Variants in SDK2 observed in about 807,000 individuals in gnomAD.
SDK2 encodes the protein sidekick cell adhesion molecule 2, also known as protein sidekick-2.
Under a neutral mutation model 253.9 loss-of-function variants are expected in SDK2, and 105 were observed. The ratio of observed to expected loss-of-function variants is 0.41; its 90% CI spans 0.35 to 0.49. SDK2 has a LOEUF of 0.49. SDK2 is among the 20% of genes least tolerant of loss of function. SDK2 has a pLI of 0.06. For synonymous variants in SDK2, 1,249 were observed against 1,234.9 expected (o/e 1.01, Z -0.24); for missense variants, 2,608 against 3,003.0 (o/e 0.87, Z 3.07).
At chr17:73,441,817 G>A (rs1280214220) in intron 5 of SDK2, among the ~76,000 whole-genome samples, 2 of 152,160 alleles carry the variant, frequency 1.3e-5, no homozygotes, top group African/African-American at 2.4e-5. Context: ...ATGGGTCTTT[G>A]CTGTGGACTG....
At chr17:73,543,338 T>C (rs1480481530) in intron 1 of SDK2, among the ~76,000 whole-genome samples, 1 of 152,070 alleles carries the variant, frequency 6.6e-6, no homozygotes, top group East Asian at 1.9e-4. Context: ...GTCCTTCCGA[T>C]GTCCTCAAAG....
chr17:73,446,388 G>T (rs2063453236), intron 5 of SDK2, among the ~76,000 whole-genome samples: 1 of 152,144 alleles, frequency 6.6e-6, no homozygotes, highest in Admixed American at 6.5e-5. Flanking sequence ...AGATATACTT[G>T]TGACGCCGAT....
At chr17:73,597,010 T>G (rs926002150) in intron 1 of SDK2, among the ~76,000 whole-genome samples, 4 of 152,272 alleles carry the variant, frequency 2.6e-5, no homozygotes, top group African/African-American at 9.6e-5. Context: ...TCTCCTCACT[T>G]CAGTCTGAAC....
At chr17:73,371,902 G>A (rs2062736904) in intron 36 of SDK2, among the ~76,000 whole-genome samples, 1 of 151,384 alleles carries the variant, frequency 6.6e-6, no homozygotes, top group Non-Finnish European at 1.5e-5. Flanking sequence ...GGAGGCTGCA[G>A]TGAGCTGAGA....
chr17:73,552,820 G>C (rs920046273), intron 1 of SDK2, among the ~76,000 whole-genome samples: 11 of 152,190 alleles, frequency 7.2e-5, no homozygotes, highest in African/African-American at 1.2e-4. Context: ...TGCACTTCTC[G>C]CTCTGGCTTC....
intron 12 of SDK2, among the ~76,000 whole-genome samples, 170 bp from the exon 13 acceptor site, chr17:73,424,262 A>G (rs1169140319): frequency 6.6e-6 from 1 of 152,184 alleles, no homozygotes; most frequent in African/African-American, 2.4e-5. Context: ...TTGAAGGCCA[A>G]ACAGTCTGGA....
chr17:73,412,575 G>T (rs1465393747), intron 18 of SDK2, among the ~76,000 whole-genome samples: 2 of 152,162 alleles, frequency 1.3e-5, no homozygotes, highest in East Asian at 3.8e-4. Context: ...GTTAAATGAG[G>T]TCATTAGTGT....
At chr17:73,370,275 C>T (rs1422698695) in intron 36 of SDK2, among the ~76,000 whole-genome samples, 1 of 152,148 alleles carries the variant, frequency 6.6e-6, no homozygotes, top group Non-Finnish European at 1.5e-5. Context: ...ACAGGCCTCA[C>T]TCTGTTGCCC....
At chr17:73,543,111 T>C (rs867870923) in intron 1 of SDK2, among the ~76,000 whole-genome samples, 1 of 152,208 alleles carries the variant, frequency 6.6e-6, no homozygotes, top group Non-Finnish European at 1.5e-5. Context: ...CTGTCATTTG[T>C]TCATTGCTTC....
At position 73,399,222 on chromosome 17, in the gene SDK2, G is replaced by A; in HGVS notation, c.3039C>T (p.Phe1013=). ...NIGPRSVTLQ[F]RPGYDGKTSI... is the part of the protein sequence containing the mutation. ...AGGTTTTCCCATCGTAGCCTGGCCTGAACTGCAAGGTCACAGAGCGGGGGC... is the reference window on the plus strand; with the variant it reads ...AGGTTTTCCCATCGTAGCCTGGCCTAAACTGCAAGGTCACAGAGCGGGGGC... The change falls in exon 22 of 45, where the codon TTC becomes TTT. Residue 1013 remains phenylalanine, a synonymous_variant. Coordinates refer to ENST00000392650, the MANE Select transcript of SDK2 (RefSeq NM_001144952.2). The A allele has an allele frequency of 6.2e-7, 1 of 1,613,920 alleles. No individual in the cohort carries two copies. Among genetic ancestry groups the A allele is most frequent in the Non-Finnish European group, 8.5e-7 (1 of 1,179,838 alleles).
chr17:73,489,656 G>A (rs2063792301), intron 2 of SDK2, among the ~76,000 whole-genome samples: 1 of 152,174 alleles, frequency 6.6e-6, no homozygotes, highest in South Asian at 2.1e-4. Flanking sequence ...TAACGAGCTT[G>A]GTAGGTCAAG....
chr17:73,397,054 G>T (rs1398021566), intron 24 of SDK2, among the ~76,000 whole-genome samples: 5 of 152,240 alleles, frequency 3.3e-5, no homozygotes, highest in Non-Finnish European at 5.9e-5. Flanking sequence ...GTGTTTGCAA[G>T]TTGTGTTTTG....
chr17:73,457,762 A>T (rs115436105), intron 3 of SDK2, among the ~76,000 whole-genome samples: 2,027 of 152,132 alleles, frequency 0.013, 62 homozygotes, highest in African/African-American at 0.047. Flanking sequence ...ATTGCCTAGC[A>T]GATCCCTCCC....
At chr17:73,381,602 C>T (rs538230156) in intron 33 of SDK2, among the ~76,000 whole-genome samples, 4 of 152,132 alleles carry the variant, frequency 2.6e-5, no homozygotes, top group Non-Finnish European at 5.9e-5. Flanking sequence ...GAGGCTGGGC[C>T]GGGCGCAGTG....
At chr17:73,600,390 A>G (rs939050991) in intron 1 of SDK2, among the ~76,000 whole-genome samples, 6 of 152,236 alleles carry the variant, frequency 3.9e-5, no homozygotes, top group Middle Eastern at 3.4e-3. Flanking sequence ...TTCATTAAAA[A>G]CGGGACGCCT....
At chr17:73,384,628 T>C (rs943536098) in intron 32 of SDK2, among the ~76,000 whole-genome samples, 1 of 152,232 alleles carries the variant, frequency 6.6e-6, no homozygotes, top group Non-Finnish European at 1.5e-5. Flanking sequence ...CTGACCAGCC[T>C]GGCCAACATG....
At chr17:73,462,457 C>T (rs2063570569) in intron 3 of SDK2, among the ~76,000 whole-genome samples, 1 of 151,006 alleles carries the variant, frequency 6.6e-6, no homozygotes, top group Non-Finnish European at 1.5e-5. Flanking sequence ...TATACACACA[C>T]ACATACATGT....
rs1599688162 is a variant in SDK2, at chr17:73,570,541, T to C, written c.65-62944A>G. Reference sequence around the variant, plus strand: ...GTGATGATGGCGGTGATGGTGATGGTGAGGCTGATGGTGGTGATGTTGCCA... The same window carrying C: ...GTGATGATGGCGGTGATGGTGATGGCGAGGCTGATGGTGGTGATGTTGCCA... On this transcript the variant is annotated intron_variant, in intron 1 of 44. Transcript: ENST00000392650. The surrounding 1 kb of genome is among the most constrained non-coding windows in gnomAD (Gnocchi z 4.2). 6.6e-6 allele frequency among the ~76,000 whole-genome samples: 1 copy of C among 152,180 alleles called. No homozygotes were observed. The highest frequency in any genetic ancestry group is 2.1e-4 in the South Asian group (1 of 4,820).
chr17:73,386,196 G>T (rs866842451), intron 31 of SDK2, among the ~76,000 whole-genome samples: 15 of 152,308 alleles, frequency 9.8e-5, no homozygotes, highest in African/African-American at 3.4e-4. Flanking sequence ...GAGAACTCCT[G>T]TCCCGCTCAC....
Sources: allele counts gnomAD v4.1 joint callset (sites outside exome capture counted in the v4.1 genomes callset), GRCh38; gene constraint gnomAD v4.1.1; non-coding constraint Gnocchi (gnomAD v3.1); transcripts MANE v1.5; gene names NCBI Gene and HGNC (gene_info 2026-07-23, HGNC 2026-07-21).